The following DENND4B variants were observed in gnomAD, a reference collection of about 807,000 sequenced individuals.
DENND4B encodes DENN domain containing 4B.
DENND4B carries 67 observed loss-of-function variants against 161.0 expected under a neutral mutation model. The observed-to-expected ratio is 0.42, with a 90% CI of 0.34 to 0.51. The LOEUF (loss-of-function observed/expected upper bound fraction) is 0.51. DENND4B is among the 20% of genes least tolerant of loss of function. DENND4B has a pLI of 0.08. For synonymous variants in DENND4B, 753 were observed against 813.8 expected (o/e 0.93, Z 1.27); for missense variants, 1,481 against 1,968.0 (o/e 0.75, Z 4.68).
At position 153,933,325 on chromosome 1, in the gene DENND4B, A is replaced by G; in HGVS notation, c.3331-6T>C. 2.5e-6 allele frequency: 4 copies of G among 1,613,504 alleles called. No homozygotes were observed. In the East Asian group the frequency reaches 6.7e-5, roughly 27 times the overall value. ...CTGCCCAGAGAGGCTGAGCTCTACC[A>G]TGACATGAGAAACCATGGTCAGCCA... On this transcript the variant is annotated splice_polypyrimidine_tract_variant and splice_region_variant and intron_variant, in intron 20 of 27. Coordinates refer to ENST00000361217, the MANE Select transcript of DENND4B (RefSeq NM_014856.3). This position sits in a 1 kb window ranked among gnomAD's most constrained non-coding sequence, Gnocchi z 5.7.
intron 2 of DENND4B, among the ~76,000 whole-genome samples, chr1:153,943,564 G>A (rs544517733): frequency 6.6e-6 from 1 of 151,090 alleles, no homozygotes; most frequent in East Asian, 2.0e-4. Flanking sequence ...TATAGTCTCA[G>A]CTACTCAGGA....
chr1:153,934,809 CTGCTGCTGCTGCTGCTGCTGT>C lies in DENND4B; in HGVS notation c.2703_2723del (p.Gln904_Gln910del), dbSNP rs750153816. Reference sequence around the variant, plus strand: ...GATGTGCTGACACCTGCTCCTGCTGCTGCTGCTGCTGCTGCTGCTGTTGCTGCTGCTGCTGCTGTTGCCGTT... The same window carrying C: ...GATGTGCTGACACCTGCTCCTGCTGCTGCTGCTGCTGCTGCTGTTGCCGTT... On this transcript the variant is annotated inframe_deletion, in exon 18 of 28. Coordinates refer to ENST00000361217, the MANE Select transcript of DENND4B (RefSeq NM_014856.3). This position sits in a 1 kb window ranked among gnomAD's most constrained non-coding sequence, Gnocchi z 5.3. The C allele has an allele frequency of 6.1e-5, 48 of 785,116 alleles. No homozygotes were observed. Among genetic ancestry groups the C allele is most frequent in the South Asian group, 3.4e-4 (14 of 41,698 alleles). The allele number at this position is 785,116 out of a possible 1,614,324, so 48.6% of individuals were successfully genotyped here.
chr1:153,933,882 GA>G lies in DENND4B; in HGVS notation c.2942-12del. 6.2e-7 allele frequency: 1 copy of G among 1,601,342 alleles called. No individual in the cohort carries two copies. The highest frequency in any genetic ancestry group is 1.1e-5 in the South Asian group (1 of 89,180). The stretch of plus-strand genomic sequence containing the variant: ...CCAAGGCCTCTATCACTGCAGCACA[GA>G]AAAGAATGAGGGAAGATGGACCCCA... On this transcript the variant is annotated splice_polypyrimidine_tract_variant and intron_variant, in intron 19 of 27. Transcript: ENST00000361217. The surrounding 1 kb of genome is among the most constrained non-coding windows in gnomAD (Gnocchi z 5.7).
Position 153,932,826 on chromosome 1 carries a change from A to C in DENND4B, c.3623+35T>G, listed in dbSNP as rs1679045604. The C allele has an allele frequency of 6.2e-7, 1 of 1,613,370 alleles. No individual in the cohort carries two copies. The highest frequency in any genetic ancestry group is 1.3e-5 in the African/African-American group (1 of 74,884). The stretch of plus-strand genomic sequence containing the variant: ...TCAGCTTTTGGACCTTCACCTCCCT[A>C]TTCCCACCCACAGCACTTGCCCTGC... On this transcript the variant is annotated intron_variant, in intron 22 of 27. Coordinates refer to ENST00000361217, the MANE Select transcript of DENND4B (RefSeq NM_014856.3). This position sits in a 1 kb window ranked among gnomAD's most constrained non-coding sequence, Gnocchi z 5.8.
chr1:153,934,445 G>GTTTGTTTT lies in DENND4B; in HGVS notation c.2774-144_2774-143insAAAACAAA, dbSNP rs895791073. 1 of 1,249,508 alleles carries GTTTGTTTT rather than the reference G, an allele frequency of 8.0e-7. No homozygotes were observed. Among genetic ancestry groups the GTTTGTTTT allele is most frequent in the African/African-American group, 1.5e-5 (1 of 65,426 alleles). The allele number at this position is 1,249,508 out of a possible 1,614,324, so 77.4% of individuals were successfully genotyped here. ...CCGTTTTGTGTTTGTTTGTTTGTTT[G>GTTTGTTTT]TTTTGTTTTGTTTTTTGAGATGGAG... On this transcript the variant is annotated intron_variant, in intron 18 of 27. Transcript: ENST00000361217. This position sits in a 1 kb window ranked among gnomAD's most constrained non-coding sequence, Gnocchi z 5.3.
intron 6 of DENND4B, 138 bp downstream of exon 6, chr1:153,941,731 C>A: frequency 7.0e-7 from 1 of 1,433,840 alleles, no homozygotes; most frequent in Non-Finnish European, 9.3e-7. Context: ...AGTGGATAAA[C>A]TGTATAACCA....
rs754982907 is a variant in DENND4B at position 153,941,964 on chromosome 1, C to T, written c.960G>A (p.Val320=). ...CAGGGAAGGCAGGCCAGCGGGACAGCACAGCGATGGCACGCCGGCTGCGCA... is the reference window on the plus strand; with the variant it reads ...CAGGGAAGGCAGGCCAGCGGGACAGTACAGCGATGGCACGCCGGCTGCGCA... ...RAVRSRRAIA[V]LSRWPAFPAF... Residue 320 remains valine, a synonymous_variant, in exon 6 of 28, where the codon GTG becomes GTA. Coordinates refer to ENST00000361217, the MANE Select transcript of DENND4B (RefSeq NM_014856.3). 1.2e-6 allele frequency: 2 copies of T among 1,612,372 alleles called. No individual in the cohort carries two copies. The highest frequency in any genetic ancestry group is 3.3e-5 in the Admixed American group (2 of 59,994).
chr1:153,932,724 G>A lies in DENND4B; in HGVS notation c.3677C>T (p.Pro1226Leu), dbSNP rs1175775469. The change falls in exon 23 of 28, where the codon CCT (proline) becomes CTT (leucine). Residue 1226 changes from proline to leucine, a missense_variant. Coordinates refer to ENST00000361217, the MANE Select transcript of DENND4B (RefSeq NM_014856.3). The surrounding 1 kb of genome is among the most constrained non-coding windows in gnomAD (Gnocchi z 5.8). ...ACTGAGCACAGGGCCAGGACCACCA[G>A]GGACAGGAGCATCTTTGCTGCCACT... ...GASGSKDAPV[P>L]GGPGPVLSDR... 16 of 1,614,076 alleles carry A rather than the reference G, an allele frequency of 9.9e-6. No individual in the cohort carries two copies. Among genetic ancestry groups the A allele is most frequent in the Non-Finnish European group, 1.4e-5 (16 of 1,179,894 alleles).
Position 153,941,921 on chromosome 1 carries a change from T to G in DENND4B, c.1003A>C (p.Thr335Pro), listed in dbSNP as rs1571055848. The change falls in exon 6 of 28, where the codon ACC (threonine) becomes CCC (proline). Residue 335 changes from threonine (T) to proline (P), a missense_variant. By Grantham distance (38) the Thr-to-Pro change is conservative. Coordinates refer to ENST00000361217, the MANE Select transcript of DENND4B (RefSeq NM_014856.3). ...PAFPAFRAFL[T>P]FLYRYSVSGP... ...GAGACGGAGTAGCGGTAAAGGAAGG[T>G]GAGGAAGGCGCGGAAGGCAGGGAAG... The G allele has an allele frequency of 1.2e-6, 2 of 1,611,756 alleles. No individual in the cohort carries two copies. The highest frequency in any genetic ancestry group is 1.7e-6 in the Non-Finnish European group (2 of 1,179,704).
rs775129802 is a variant in DENND4B, at chr1:153,939,629, G to A, written c.1779C>T (p.Ser593=). Residue 593 remains serine, a synonymous_variant, in exon 12 of 28, where the codon TCC becomes TCT. Transcript: ENST00000361217. ...GGTTGTCAACATCACGAGCTCCCTC[G>A]GAGGGGGCCTGGGTGAGTGGGCGCA... ...VFLRPLTQAP[S]EGARDVDNLF... is the part of the protein sequence containing the mutation. 27 of 1,612,656 alleles carry A rather than the reference G, an allele frequency of 1.7e-5. No individual in the cohort carries two copies. Among genetic ancestry groups the A allele is most frequent in the Middle Eastern group, 1.7e-4 (1 of 6,060 alleles).
chr1:153,934,194 C>A lies in DENND4B; in HGVS notation c.2882G>T (p.Ser961Ile), dbSNP rs763160066. ...PASPPGRLVK[S>I]GSLGSARGAQ... ...CCCTCGGGCACTGCCCAGGCTACCA[C>A]TCTTCACCAGGCGTCCAGGGGGTGA... The change falls in exon 19 of 28, where the codon AGT becomes ATT. Residue 961 changes from serine (S) to isoleucine (I), a missense_variant. Physicochemically the swap from Ser to Ile is moderately radical, Grantham distance 142. Coordinates refer to ENST00000361217, the MANE Select transcript of DENND4B (RefSeq NM_014856.3). This position sits in a 1 kb window ranked among gnomAD's most constrained non-coding sequence, Gnocchi z 5.3. 1 of 1,606,384 alleles carries A rather than the reference C, an allele frequency of 6.2e-7. No individual in the cohort carries two copies. Among genetic ancestry groups the A allele is most frequent in the Non-Finnish European group, 8.5e-7 (1 of 1,177,346 alleles).
Position 153,937,657 on chromosome 1 carries a change from G to A in DENND4B, c.2106-43C>T, listed in dbSNP as rs1234638487. 7.4e-6 allele frequency: 12 copies of A among 1,612,574 alleles called. No homozygotes were observed. Among genetic ancestry groups the A allele is most frequent in the Non-Finnish European group, 1.0e-5 (12 of 1,178,914 alleles). On this transcript the variant is annotated intron_variant, in intron 14 of 27. Transcript: ENST00000361217. This position sits in a 1 kb window ranked among gnomAD's most constrained non-coding sequence, Gnocchi z 4.7. ...AGCAACATCGGGGCAGTCAGCACAG[G>A]GCGAAGCGAGTTGGACTGGACCAGT...
At position 153,930,467 on chromosome 1, in the gene DENND4B, A is replaced by G. The variant is rs2101992275; in HGVS notation, c.4346-25T>C. On this transcript the variant is annotated intron_variant, in intron 27 of 27. Transcript: ENST00000361217. This position sits in a 1 kb window ranked among gnomAD's most constrained non-coding sequence, Gnocchi z 4.7. ...ACTAGGGAAGAAGGTGGAAGTCAACATGTTAGGACCGCAGCCTCCCACACC... is the reference window on the plus strand; with the variant it reads ...ACTAGGGAAGAAGGTGGAAGTCAACGTGTTAGGACCGCAGCCTCCCACACC... 2 of 1,613,906 alleles carry G rather than the reference A, an allele frequency of 1.2e-6. No individual in the cohort carries two copies. Among genetic ancestry groups the G allele is most frequent in the Non-Finnish European group, 1.7e-6 (2 of 1,179,800 alleles).
chr1:153,941,651 C>T, intron 6 of DENND4B, among the ~76,000 whole-genome samples: 1 of 152,146 alleles, frequency 6.6e-6, no homozygotes, highest in South Asian at 2.1e-4. Flanking sequence ...AGCCCTTTGC[C>T]AGGACCTAAC....
At chr1:153,941,775 G>GGGGGCGC in intron 6 of DENND4B, 94 bp downstream of exon 6, 1 of 1,338,174 alleles carries the variant, frequency 7.5e-7, no homozygotes, top group Non-Finnish European at 1.0e-6. Flanking sequence ...CCTGTGCCCA[G>GGGGGCGC]CCCTCCCCCC....
Position 153,934,556 on chromosome 1 carries a change from C to T in DENND4B, c.2773+204G>A, listed in dbSNP as rs1317018448. On this transcript the variant is annotated intron_variant, in intron 18 of 27. Coordinates refer to ENST00000361217, the MANE Select transcript of DENND4B (RefSeq NM_014856.3). The surrounding 1 kb of genome is among the most constrained non-coding windows in gnomAD (Gnocchi z 5.3). ...TCCTGGGTTCAAGTGATTCTCCTGC[C>T]TCAGTCTCCCAAGTAGCTGGGACTA... Among the ~76,000 whole-genome samples the T allele has an allele frequency of 6.6e-6, 1 of 152,144 alleles. No individual in the cohort carries two copies. The highest frequency in any genetic ancestry group is 2.4e-5 in the African/African-American group (1 of 41,430).
chr1:153,945,337 T>C, intron 1 of DENND4B: 1 of 386,872 alleles, frequency 2.6e-6, no homozygotes, highest in Non-Finnish European at 4.8e-6. Flanking sequence ...TATGGGTGTG[T>C]GTGGTGGCGG....
chr1:153,935,467 C>T (rs1357187954), intron 17 of DENND4B, among the ~76,000 whole-genome samples: 2 of 152,238 alleles, frequency 1.3e-5, no homozygotes, highest in Non-Finnish European at 2.9e-5. Context: ...TTGCCTCAGC[C>T]TCCCAAGTAG....
Position 153,933,784 on chromosome 1 carries a change from TCCCCTGTCAGGCTCA to T in DENND4B, c.3014_3028del (p.Leu1005_Glu1010delinsGln), listed in dbSNP as rs1679134288. Reference sequence around the variant, plus strand: ...TGGGCTGCCTCCAGGGAGCGGCTCCTCCCCTGTCAGGCTCAGGTCTGAGAGACTTCCATCGTGCCA... The same window carrying T: ...TGGGCTGCCTCCAGGGAGCGGCTCCTGGTCTGAGAGACTTCCATCGTGCCA... On this transcript the variant is annotated inframe_deletion, in exon 20 of 28. Coordinates refer to ENST00000361217, the MANE Select transcript of DENND4B (RefSeq NM_014856.3). The surrounding 1 kb of genome is among the most constrained non-coding windows in gnomAD (Gnocchi z 5.7). 3.1e-6 allele frequency: 5 copies of T among 1,611,352 alleles called. No homozygotes were observed. The African/African-American group carries it at 6.7e-5, about 22-fold the overall frequency.
Sources: gnomAD v4.1 joint callset for allele counts (sites outside exome capture counted in the v4.1 genomes callset) on GRCh38, gnomAD v4.1.1 for gene constraint, Gnocchi (gnomAD v3.1) non-coding constraint, MANE v1.5 for transcripts, NCBI Gene and HGNC (gene_info 2026-07-23, HGNC 2026-07-21) for gene names.